The following SLC39A8 variants were observed in gnomAD, a reference collection of about 807,000 sequenced individuals.
The protein encoded by SLC39A8 is metal cation symporter ZIP8.
Under a neutral mutation model 40.4 loss-of-function variants are expected in SLC39A8, and 15 were observed. That is an observed-to-expected ratio of 0.37 (90% CI 0.25 to 0.57). SLC39A8 has a LOEUF of 0.57. SLC39A8 is among the 20% of genes least tolerant of loss of function. The probability of loss-of-function intolerance (pLI) is 0.75; values close to 1 mark genes in which losing one functional copy is unlikely to be tolerated. For synonymous variants in SLC39A8, 223 were observed against 221.6 expected, an observed-to-expected ratio of 1.01 and a Z score of -0.06; for missense variants, 472 against 558.8, an observed-to-expected ratio of 0.84 and a Z score of 1.57.
intron 11 of SLC39A8, among the ~76,000 whole-genome samples, chr4:102,256,480 A>C (rs1375969100): frequency 2.0e-5 from 3 of 152,200 alleles, no homozygotes; most frequent in African/African-American, 7.2e-5. Context: ...TATCTAGTCA[A>C]AAGATTCTTA....
intron 8 of SLC39A8, among the ~76,000 whole-genome samples, chr4:102,264,701 G>T (rs1732021900): frequency 6.6e-6 from 1 of 152,254 alleles, no homozygotes; most frequent in African/African-American, 2.4e-5. Flanking sequence ...TTAGTTTAGT[G>T]TAGTCACCTT....
At chr4:102,270,184 A>C (rs762527148) in intron 6 of SLC39A8, among the ~76,000 whole-genome samples, 42 of 151,692 alleles carry the variant, frequency 2.8e-4, no homozygotes, top group Non-Finnish European at 2.9e-5. Flanking sequence ...CTTCAGAAGA[A>C]GACTACAAAA....
At chr4:102,309,972 T>C (rs1578600577) in intron 3 of SLC39A8, among the ~76,000 whole-genome samples, 1 of 152,006 alleles carries the variant, frequency 6.6e-6, no homozygotes, top group Admixed American at 6.6e-5. Context: ...CAGTTATCGA[T>C]CTGGTGCCCC....
At chr4:102,301,073 T>C (rs1733904525) in intron 6 of SLC39A8, among the ~76,000 whole-genome samples, 1 of 152,080 alleles carries the variant, frequency 6.6e-6, no homozygotes, top group South Asian at 2.1e-4. Flanking sequence ...GCTGTCACCC[T>C]GGCACGCACC....
intron 8 of SLC39A8, among the ~76,000 whole-genome samples, chr4:102,267,182 TAAGAC>T (rs1276401435): frequency 5.3e-5 from 8 of 151,978 alleles, no homozygotes; most frequent in African/African-American, 1.9e-4. Context: ...TACTATAACA[TAAGAC>T]AAGATGTACC....
intron 11 of SLC39A8, among the ~76,000 whole-genome samples, chr4:102,255,788 A>G (rs1430430101): frequency 6.6e-6 from 1 of 152,210 alleles, no homozygotes; most frequent in Non-Finnish European, 1.5e-5. Flanking sequence ...TACCACTTTC[A>G]CCAGTTTTGT....
At chr4:102,306,898 CTATT>C (rs1734195866) in intron 4 of SLC39A8, among the ~76,000 whole-genome samples, 2 of 151,828 alleles carry the variant, frequency 1.3e-5, no homozygotes, top group South Asian at 2.1e-4. Flanking sequence ...AAATAAGTTG[CTATT>C]TATTTATTAG....
chr4:102,315,227 T>C (rs1324495979), intron 3 of SLC39A8, among the ~76,000 whole-genome samples: 2 of 152,152 alleles, frequency 1.3e-5, no homozygotes, highest in African/African-American at 2.4e-5. Flanking sequence ...AAACTAATAA[T>C]TTGGTCCCTG....
chr4:102,303,445 G>A (rs1465290910), intron 6 of SLC39A8, among the ~76,000 whole-genome samples: 1 of 151,912 alleles, frequency 6.6e-6, no homozygotes, highest in Non-Finnish European at 1.5e-5. Flanking sequence ...ATTTAGGACT[G>A]AAAGAGTCAG....
At position 102,344,765 on chromosome 4, in the gene SLC39A8, C is replaced by A. The variant is rs776178812; in HGVS notation, c.-103G>T. 1.2e-5 allele frequency: 16 copies of A among 1,329,122 alleles called. No homozygotes were observed. The highest frequency in any genetic ancestry group is 1.4e-5 in the Non-Finnish European group (15 of 1,044,504). 82.3% of individuals were successfully genotyped at this position (1,329,122 alleles called of 1,614,324 possible). On this transcript the variant is annotated 5_prime_UTR_variant, in exon 2 of 9. It introduces an in-frame stop codon into an upstream open reading frame of the 5' UTR. Coordinates refer to ENST00000356736, the MANE Select transcript of SLC39A8 (RefSeq NM_001135146.2). Reference sequence around the variant, plus strand: ...GCCCAAGGGCGGGAGCGTCAGTGCTCGGCGCTGCTCCGAGTCAGAGGTGGC... The same window carrying A: ...GCCCAAGGGCGGGAGCGTCAGTGCTAGGCGCTGCTCCGAGTCAGAGGTGGC...
chr4:102,293,412 G>C (rs1438883988), intron 6 of SLC39A8, among the ~76,000 whole-genome samples: 1 of 151,842 alleles, frequency 6.6e-6, no homozygotes, highest in Admixed American at 6.6e-5. Flanking sequence ...AGAAATAAGA[G>C]TTAAAACAAT....
chr4:102,277,971 A>G (rs1341561657), intron 6 of SLC39A8, among the ~76,000 whole-genome samples: 1 of 152,244 alleles, frequency 6.6e-6, no homozygotes. Context: ...CTTACACTTT[A>G]TACAAAAATT....
chr4:102,321,241 GA>G (rs1734950862), intron 2 of SLC39A8, among the ~76,000 whole-genome samples: 1 of 152,178 alleles, frequency 6.6e-6, no homozygotes, highest in Non-Finnish European at 1.5e-5. Context: ...ATGATATGCA[GA>G]GGAAATAGTC....
chr4:102,335,326 C>T lies in SLC39A8; in HGVS notation c.219+9118G>A, dbSNP rs1020664592. Among the ~76,000 whole-genome samples, 4 of 152,138 alleles carry T rather than the reference C, an allele frequency of 2.6e-5. No homozygotes were observed. In the South Asian group the frequency reaches 6.2e-4, roughly 24 times the overall value. On this transcript the variant is annotated intron_variant, in intron 2 of 8. Coordinates refer to ENST00000356736, the MANE Select transcript of SLC39A8 (RefSeq NM_001135146.2). ...GAATCGGTGTACTGATTTTACTGTT[C>T]GCTGAAGTTCGGGCTAACTTTCTGT...
At chr4:102,294,053 A>C (rs927074088) in intron 6 of SLC39A8, among the ~76,000 whole-genome samples, 2 of 152,020 alleles carry the variant, frequency 1.3e-5, no homozygotes, top group Non-Finnish European at 2.9e-5. Context: ...TACAGGAAAA[A>C]ACTGGATCCT....
chr4:102,307,359 G>A, intron 4 of SLC39A8, 77 bp downstream of exon 4: 4 of 1,507,616 alleles, frequency 2.7e-6, no homozygotes. Flanking sequence ...AAGAATTATG[G>A]AGGCTAAAAA....
chr4:102,282,766 G>A (rs1054855214), intron 6 of SLC39A8, among the ~76,000 whole-genome samples: 11 of 151,996 alleles, frequency 7.2e-5, no homozygotes, highest in African/African-American at 1.2e-4. Flanking sequence ...CCACTCTGTC[G>A]TCCAGGCTGG....
At chr4:102,279,982 T>C (rs1326434245) in intron 6 of SLC39A8, among the ~76,000 whole-genome samples, 1 of 152,142 alleles carries the variant, frequency 6.6e-6, no homozygotes, top group Admixed American at 6.5e-5. Context: ...CTGCAGGCAC[T>C]CTATCAAAGG....
chr4:102,343,851 A>T (rs1736040249), intron 2 of SLC39A8, among the ~76,000 whole-genome samples: 1 of 152,204 alleles, frequency 6.6e-6, no homozygotes, highest in African/African-American at 2.4e-5. Context: ...CTGACATATG[A>T]CAAGGAACTA....
Sources: allele counts gnomAD v4.1 joint callset (sites outside exome capture counted in the v4.1 genomes callset), GRCh38; gene constraint gnomAD v4.1.1; transcripts MANE v1.5; gene names NCBI Gene and HGNC (gene_info 2026-07-23, HGNC 2026-07-21).